NEDD4: variants seen among roughly 807,000 people sequenced by gnomAD.
NEDD4 encodes NEDD4 E3 ubiquitin protein ligase, also known as E3 ubiquitin-protein ligase NEDD4.
NEDD4 carries 99 observed loss-of-function variants against 144.9 expected under a neutral mutation model. The observed-to-expected ratio is 0.68, with a 90% CI of 0.58 to 0.81. NEDD4 has a LOEUF of 0.81. Among genes scored for constraint, NEDD4 ranks in the 30% least tolerant of loss-of-function variants. The pLI, the probability that NEDD4 is intolerant of heterozygous loss-of-function variation, is 0.00. For missense variants in NEDD4, 985 were observed against 1,065.9 expected, an observed-to-expected ratio of 0.92 and a Z score of 1.06; for synonymous variants, 318 against 350.6, an observed-to-expected ratio of 0.91 and a Z score of 1.04.
intron 4 of NEDD4, among the ~76,000 whole-genome samples, chr15:55,938,419 A>C (rs1158571557): frequency 6.6e-6 from 1 of 152,150 alleles, no homozygotes; most frequent in Non-Finnish European, 1.5e-5. Flanking sequence ...ACGCAAAAGA[A>C]AGAAATTGAC....
intron 5 of NEDD4, among the ~76,000 whole-genome samples, chr15:55,922,187 G>C (rs563094523): frequency 1.1e-4 from 16 of 152,094 alleles, no homozygotes; most frequent in East Asian, 9.6e-4. Flanking sequence ...CTATTAAGGA[G>C]GTTAAATACA....
At chr15:55,880,735 C>G (rs2035160495) in intron 5 of NEDD4, among the ~76,000 whole-genome samples, 1 of 152,116 alleles carries the variant, frequency 6.6e-6, no homozygotes, top group African/African-American at 2.4e-5. Flanking sequence ...AGAGAGCAAC[C>G]AGTGCATACT....
At chr15:55,839,804 C>T (rs12911130) in intron 21 of NEDD4, among the ~76,000 whole-genome samples, 17,491 of 150,360 alleles carry the variant, frequency 0.12, 1,279 homozygotes, top group Admixed American at 0.17. Flanking sequence ...GGTGAAACCC[C>T]GTCTCTACTA....
chr15:55,883,695 A>AC (rs2035281066), intron 5 of NEDD4, among the ~76,000 whole-genome samples: 3 of 122,382 alleles, frequency 2.5e-5, no homozygotes, highest in Non-Finnish European at 3.5e-5. Flanking sequence ...ACACACACAC[A>AC]AACACACACA....
intron 1 of NEDD4, among the ~76,000 whole-genome samples, chr15:55,985,746 G>C (rs1261530870): frequency 7.4e-6 from 1 of 135,818 alleles, no homozygotes; most frequent in Non-Finnish European, 1.5e-5. Flanking sequence ...TTATATATGT[G>C]TGTAGAGTAC....
rs1203069794 is a variant in NEDD4, at chr15:55,959,069, C to A, written c.119+7404G>T. Among the ~76,000 whole-genome samples, 4 of 150,864 alleles carry A rather than the reference C, an allele frequency of 2.7e-5. No individual in the cohort carries two copies. The Admixed American group carries it at 2.7e-4, about 10-fold the overall frequency. On this transcript the variant is annotated intron_variant, in intron 2 of 28. Coordinates refer to ENST00000435532, the MANE Select transcript of NEDD4 (RefSeq NM_006154.4). ...TCTTCCCTCTACTTATTTTAGAATT[C>A]ATTCGCTCTTCTTTTTCTAATTTAT... is the stretch of plus-strand genomic sequence containing the variant.
chr15:55,983,285 G>GGTGT (rs756080748), intron 1 of NEDD4, among the ~76,000 whole-genome samples: 12 of 148,050 alleles, frequency 8.1e-5, no homozygotes, highest in African/African-American at 2.0e-4. Flanking sequence ...TGACGACAAT[G>GGTGT]GTGTGTGTGT....
At chr15:55,931,613 A>C (rs1342173823) in intron 4 of NEDD4, among the ~76,000 whole-genome samples, 1 of 152,216 alleles carries the variant, frequency 6.6e-6, no homozygotes, top group African/African-American at 2.4e-5. Context: ...GTTGCCAAAA[A>C]ATATCCAGTT....
At chr15:55,936,314 C>T (rs2036888204) in intron 4 of NEDD4, among the ~76,000 whole-genome samples, 1 of 151,948 alleles carries the variant, frequency 6.6e-6, no homozygotes, top group South Asian at 2.1e-4. Context: ...GTGGCCATCT[C>T]ATTAACAATC....
chr15:55,978,379 G>T (rs904676055), intron 1 of NEDD4, among the ~76,000 whole-genome samples: 2 of 152,118 alleles, frequency 1.3e-5, no homozygotes, highest in African/African-American at 4.8e-5. Context: ...TATTTGCATT[G>T]GTTTTAACTT....
At chr15:55,887,848 G>A (rs2142110644) in intron 5 of NEDD4, among the ~76,000 whole-genome samples, 1 of 152,248 alleles carries the variant, frequency 6.6e-6, no homozygotes, top group East Asian at 1.9e-4. Context: ...TAATGAATGT[G>A]ATACAACACA....
intron 17 of NEDD4, among the ~76,000 whole-genome samples, chr15:55,847,395 G>A (rs1375937496): frequency 6.6e-5 from 10 of 152,086 alleles, no homozygotes; most frequent in African/African-American, 1.7e-4. Flanking sequence ...TGTGAAAAGC[G>A]TACTTTTTCC....
At position 55,857,991 on chromosome 15, in the gene NEDD4, T is replaced by C. The variant is rs531576683; in HGVS notation, c.961-1795A>G. On this transcript the variant is annotated intron_variant, in intron 11 of 28. Transcript: ENST00000435532. ...ATATCCTGCTCATTCTTTGCCTCTC[T>C]TCAGAGGCAAGCAAAGTTATTAGTT... 8.5e-5 allele frequency among the ~76,000 whole-genome samples: 13 copies of C among 152,266 alleles called. No homozygotes were observed. The East Asian group carries it at 2.5e-3, about 29-fold the overall frequency.
chr15:55,934,597 C>A (rs1359925330), intron 4 of NEDD4: 1 of 151,724 alleles, frequency 6.6e-6, no homozygotes, highest in African/African-American at 2.4e-5. Flanking sequence ...ATAGTTTAAT[C>A]AATAAATATA....
intron 4 of NEDD4, among the ~76,000 whole-genome samples, chr15:55,927,077 C>CAAAAAAAAAAA (rs57940091): frequency 2.8e-5 from 2 of 70,670 alleles, no homozygotes; most frequent in African/African-American, 5.2e-5. Context: ...GACTACGTCT[C>CAAAAAAAAAAA]AAAAAAAAAA....
chr15:55,969,285 C>G (rs1484598239), intron 1 of NEDD4, among the ~76,000 whole-genome samples: 1 of 152,156 alleles, frequency 6.6e-6, no homozygotes, highest in African/African-American at 2.4e-5. Context: ...CAGTTTAAGG[C>G]TAAGTTTGGG....
chr15:55,993,133 C>A (rs2038014611), intron 1 of NEDD4, among the ~76,000 whole-genome samples: 1 of 152,378 alleles, frequency 6.6e-6, no homozygotes, highest in Non-Finnish European at 1.5e-5. Context: ...ATGCTGCGAC[C>A]GTCTCCCAAC....
intron 2 of NEDD4, among the ~76,000 whole-genome samples, chr15:55,957,560 G>A (rs775297163): frequency 6.6e-6 from 1 of 152,104 alleles, no homozygotes; most frequent in Non-Finnish European, 1.5e-5. Flanking sequence ...TCTTCTCAGT[G>A]TGGCGATTCC....
At chr15:55,830,681 C>G (rs1221705782) in intron 27 of NEDD4, 95 bp from the exon 28 acceptor site, 2 of 899,098 alleles carry the variant, frequency 2.2e-6, no homozygotes, top group Admixed American at 3.6e-5. Flanking sequence ...CCTACACACA[C>G]ACAGGGAACT....
Sources: allele counts gnomAD v4.1 joint callset (sites outside exome capture counted in the v4.1 genomes callset), GRCh38; gene constraint gnomAD v4.1.1; transcripts MANE v1.5; gene names NCBI Gene and HGNC (gene_info 2026-07-23, HGNC 2026-07-21).